KPNA5: variants seen among roughly 807,000 people sequenced by gnomAD.
KPNA5 encodes the protein karyopherin subunit alpha 5.
Under a neutral mutation model 71.3 loss-of-function variants are expected in KPNA5, and 46 were observed. The ratio of observed to expected loss-of-function variants is 0.65; its 90% CI spans 0.51 to 0.83. The LOEUF (loss-of-function observed/expected upper bound fraction) is 0.83. Among genes scored for constraint, KPNA5 ranks in the 40% least tolerant of loss-of-function variants. The pLI is 0.00. For synonymous variants in KPNA5, 207 were observed against 201.4 expected, an observed-to-expected ratio of 1.03 and a Z score of -0.24; for missense variants, 547 against 628.3, an observed-to-expected ratio of 0.87 and a Z score of 1.38.
rs566113751 is a variant in KPNA5 at position 116,737,460 on chromosome 6, T to G, written c.*5137T>G. 5.9e-5 allele frequency: 9 copies of G among 152,150 alleles called. No individual in the cohort carries two copies. The highest frequency in any genetic ancestry group is 2.6e-4 in the Admixed American group (4 of 15,226). The allele number at this position is 152,150 out of a possible 1,614,324, so 9.4% of individuals were successfully genotyped here. On this transcript the variant is annotated 3_prime_UTR_variant, in exon 14 of 14. Coordinates refer to ENST00000368564, the MANE Select transcript of KPNA5 (RefSeq NM_001366306.2). ...GTTTTGTCACATTTGGTACTCTACC[T>G]TGTGAACTCTAGTTTTGTCCTCCCT...
At chr6:116,730,247 C>T (rs992790183) in intron 13 of KPNA5, among the ~76,000 whole-genome samples, 7 of 151,404 alleles carry the variant, frequency 4.6e-5, no homozygotes, top group Non-Finnish European at 8.8e-5. Context: ...CCACCATGCC[C>T]GGCTGATTTT....
At chr6:116,722,986 T>C (rs1445743489) in intron 9 of KPNA5, among the ~76,000 whole-genome samples, 1 of 152,122 alleles carries the variant, frequency 6.6e-6, no homozygotes, top group Non-Finnish European at 1.5e-5. Flanking sequence ...AGCATGAGGA[T>C]AGCATCAGTG....
chr6:116,740,650 A>G lies in KPNA5; in HGVS notation c.*8327A>G, dbSNP rs1373160567. 1 of 152,188 alleles carries G rather than the reference A, an allele frequency of 6.6e-6. No individual in the cohort carries two copies. The highest frequency in any genetic ancestry group is 1.5e-5 in the Non-Finnish European group (1 of 68,032). The allele number at this position is 152,188 out of a possible 1,614,324, so 9.4% of individuals were successfully genotyped here. A position where few individuals can be genotyped will look rare whatever the true frequency, so the allele number is the denominator to read the frequency against. On this transcript the variant is annotated 3_prime_UTR_variant, in exon 14 of 14. Coordinates refer to ENST00000368564, the MANE Select transcript of KPNA5 (RefSeq NM_001366306.2). ...AAAATGTGGCACATATACACCATGG[A>G]ATACTATGCAGCCATAAAAAATGAT...
At chr6:116,692,600 A>G (rs1777846899) in intron 4 of KPNA5, among the ~76,000 whole-genome samples, 3 of 152,218 alleles carry the variant, frequency 2.0e-5, no homozygotes, top group Non-Finnish European at 4.4e-5. Flanking sequence ...TCGTAAAAAT[A>G]TAAAAGCAGT....
At position 116,724,341 on chromosome 6, in the gene KPNA5, G is replaced by C. The variant is rs374768777; in HGVS notation, c.965G>C (p.Gly322Ala). The change falls in exon 10 of 14, where the codon GGT becomes GCT. Residue 322 changes from glycine (G) to alanine (A), a missense_variant. Coordinates refer to ENST00000368564, the MANE Select transcript of KPNA5 (RefSeq NM_001366306.2). ...KVVSPALRAV[G>A]NIVTGDDIQT... ...GTATCACCTGCATTAAGGGCAGTTG[G>C]TAATATTGTGACTGGTGATGATATT... 1 of 1,611,538 alleles carries C rather than the reference G, an allele frequency of 6.2e-7. No homozygotes were observed. The highest frequency in any genetic ancestry group is 2.2e-5 in the East Asian group (1 of 44,810).
At chr6:116,708,181 T>C (rs1778519851) in intron 7 of KPNA5, among the ~76,000 whole-genome samples, 1 of 152,244 alleles carries the variant, frequency 6.6e-6, no homozygotes, top group African/African-American at 2.4e-5. Context: ...GTCCACCTTT[T>C]GACTACTGTA....
At position 116,691,903 on chromosome 6, in the gene KPNA5, G is replaced by T. The variant is rs1777813104; in HGVS notation, c.139-152G>T. ...CTCATAAATACCTTAGATCTTCCTA[G>T]TATAATGATTGGGAAATACTCAAAT... On this transcript the variant is annotated intron_variant, in intron 2 of 13. Coordinates refer to ENST00000368564, the MANE Select transcript of KPNA5 (RefSeq NM_001366306.2). 5 of 657,366 alleles carry T rather than the reference G, an allele frequency of 7.6e-6. No individual in the cohort carries two copies. In the South Asian group the frequency reaches 9.1e-5, roughly 12 times the overall value. The allele number at this position is 657,366 out of a possible 1,614,324, so 40.7% of individuals were successfully genotyped here. A position where few individuals can be genotyped will look rare whatever the true frequency, so the allele number is the denominator to read the frequency against.
At chr6:116,682,382 G>GT (rs1165403613) in intron 1 of KPNA5, among the ~76,000 whole-genome samples, 5 of 152,092 alleles carry the variant, frequency 3.3e-5, no homozygotes, top group African/African-American at 4.8e-5. Context: ...TTTTAGACAT[G>GT]TTTTTTAAAA....
Position 116,737,491 on chromosome 6 carries a change from CCTAA to C in KPNA5, c.*5171_*5174del, listed in dbSNP as rs1239701433. 1.3e-5 allele frequency: 2 copies of C among 152,052 alleles called. No homozygotes were observed. The highest frequency in any genetic ancestry group is 2.4e-5 in the African/African-American group (1 of 41,420). 9.4% of individuals were successfully genotyped at this position (152,052 alleles called of 1,614,324 possible). A position where few individuals can be genotyped will look rare whatever the true frequency, so the allele number is the denominator to read the frequency against. ...ACTCTAGTTTTGTCCTCCCTGGCTT[CCTAA>C]CTCTTTCTCCCCATCTCAGAGACTT... is the stretch of plus-strand genomic sequence containing the variant. On this transcript the variant is annotated 3_prime_UTR_variant, in exon 14 of 14. Coordinates refer to ENST00000368564, the MANE Select transcript of KPNA5 (RefSeq NM_001366306.2).
In KPNA5 at chr6:116,722,231, G is replaced by A; in HGVS notation, c.862G>A (p.Asp288Asn). The change falls in exon 9 of 14, where the codon GAT becomes AAT. Residue 288 changes from aspartate to asparagine, a missense_variant. Coordinates refer to ENST00000368564, the MANE Select transcript of KPNA5 (RefSeq NM_001366306.2). ...ALSYLSDGPN[D>N]KIQAVIDSGV... ...TTCTTATCTCTCCGATGGACCCAAT[G>A]ATAAAATTCAAGCAGTCATTGATTC... 1 of 1,613,180 alleles carries A rather than the reference G, an allele frequency of 6.2e-7. No individual in the cohort carries two copies. The highest frequency in any genetic ancestry group is 8.5e-7 in the Non-Finnish European group (1 of 1,179,422).
intron 1 of KPNA5, chr6:116,681,634 G>A: frequency 1.1e-6 from 1 of 905,910 alleles, no homozygotes; most frequent in Non-Finnish European, 1.4e-6. Flanking sequence ...ACCGTTTCTC[G>A]GTAGTTCTTT....
intron 4 of KPNA5, among the ~76,000 whole-genome samples, chr6:116,697,925 A>C (rs1460394443): frequency 2.6e-5 from 4 of 152,034 alleles, no homozygotes; most frequent in Non-Finnish European, 4.4e-5. Flanking sequence ...AATTCGGTTA[A>C]GGTTGTAAGG....
intron 7 of KPNA5, among the ~76,000 whole-genome samples, chr6:116,709,338 C>T (rs1778564643): frequency 6.6e-6 from 1 of 151,994 alleles, no homozygotes; most frequent in Non-Finnish European, 1.5e-5. Context: ...GCTGGGAATA[C>T]AGGCGTGCAC....
Position 116,705,156 on chromosome 6 carries a change from T to C in KPNA5, c.652T>C (p.Leu218=), listed in dbSNP as rs1778392869. 5 of 1,599,030 alleles carry C rather than the reference T, an allele frequency of 3.1e-6. No homozygotes were observed. The highest frequency in any genetic ancestry group is 3.4e-6 in the Non-Finnish European group (4 of 1,167,884). Residue 218 remains leucine (L), a synonymous_variant, in exon 7 of 14, where the codon TTA becomes CTA. Coordinates refer to ENST00000368564, the MANE Select transcript of KPNA5 (RefSeq NM_001366306.2). The stretch of plus-strand genomic sequence containing the variant: ...GAATTGTGAAATACTTCCACCTCTT[T>C]TAGAGTAAGTACTTTATCACAATTA... The part of the protein sequence containing the change: ...VLNCEILPPL[L]ELLTNSNRLT...
chr6:116,690,311 C>G (rs1777747977), intron 2 of KPNA5, among the ~76,000 whole-genome samples: 1 of 152,050 alleles, frequency 6.6e-6, no homozygotes, highest in Non-Finnish European at 1.5e-5. Context: ...ATAGTAGGTA[C>G]TAAAAAAATT....
At chr6:116,715,043 A>G (rs564663037) in intron 7 of KPNA5, among the ~76,000 whole-genome samples, 1 of 152,310 alleles carries the variant, frequency 6.6e-6, no homozygotes, top group African/African-American at 2.4e-5. Flanking sequence ...CTTAGTTGCC[A>G]TAAACTTTTG....
intron 1 of KPNA5, among the ~76,000 whole-genome samples, chr6:116,681,751 C>T (rs1490143043): frequency 6.6e-6 from 1 of 152,156 alleles, no homozygotes; most frequent in Non-Finnish European, 1.5e-5. Flanking sequence ...CAGGTTCCAT[C>T]CCGAGGGCCT....
At chr6:116,685,529 CAT>C (rs1777543007) in intron 1 of KPNA5, among the ~76,000 whole-genome samples, 1 of 152,190 alleles carries the variant, frequency 6.6e-6, no homozygotes, top group Admixed American at 6.6e-5. Flanking sequence ...TAAGTAAGAA[CAT>C]GTGGTATTTG....
chr6:116,710,143 A>G (rs2114443004), intron 7 of KPNA5, among the ~76,000 whole-genome samples: 1 of 152,236 alleles, frequency 6.6e-6, no homozygotes, highest in Admixed American at 6.5e-5. Context: ...TTTTAAATTC[A>G]TTATATTAAT....
Sources: allele counts gnomAD v4.1 joint callset (sites outside exome capture counted in the v4.1 genomes callset), GRCh38; gene constraint gnomAD v4.1.1; transcripts MANE v1.5; gene names NCBI Gene and HGNC (gene_info 2026-07-23, HGNC 2026-07-21).